The following PCED1B variants were observed in gnomAD, a reference collection of about 807,000 sequenced individuals.
PCED1B encodes the protein PC-esterase domain containing 1B.
For missense variants in PCED1B, 573 were observed against 573.9 expected (o/e 1.00, Z 0.02); for synonymous variants, 251 against 246.1 (o/e 1.02, Z -0.19).
chr12:47,156,657 C>G (rs771386718), intron 2 of PCED1B, among the ~76,000 whole-genome samples: 21 of 152,112 alleles, frequency 1.4e-4, no homozygotes, highest in Non-Finnish European at 3.1e-4. Flanking sequence ...ATACCACCTC[C>G]TCCAGGAAGC....
At chr12:47,214,368 A>C (rs775650848) in intron 2 of PCED1B, among the ~76,000 whole-genome samples, 2 of 152,234 alleles carry the variant, frequency 1.3e-5, no homozygotes, top group Non-Finnish European at 2.9e-5. Flanking sequence ...TCTTCAGAGC[A>C]TGTAATTCAG....
intron 2 of PCED1B, among the ~76,000 whole-genome samples, chr12:47,190,505 G>A (rs1942409457): frequency 6.6e-6 from 1 of 152,310 alleles, no homozygotes; most frequent in East Asian, 1.9e-4. Flanking sequence ...AGAAACACAG[G>A]GTTCTTTATG....
chr12:47,180,019 T>C (rs1442886467), intron 2 of PCED1B, among the ~76,000 whole-genome samples: 1 of 152,140 alleles, frequency 6.6e-6, no homozygotes, highest in Non-Finnish European at 1.5e-5. Flanking sequence ...ACCATGGTGG[T>C]TTGCTACACA....
At chr12:47,226,072 T>C (rs1943623048) in intron 3 of PCED1B, among the ~76,000 whole-genome samples, 1 of 152,230 alleles carries the variant, frequency 6.6e-6, no homozygotes, top group South Asian at 2.1e-4. Flanking sequence ...AAGTAATTTA[T>C]TGTGGCAGTA....
At chr12:47,183,130 G>C in intron 2 of PCED1B, among the ~76,000 whole-genome samples, 1 of 152,138 alleles carries the variant, frequency 6.6e-6, no homozygotes, top group South Asian at 2.1e-4. Flanking sequence ...TATCTTGGGA[G>C]TGTTAGCTAC....
At chr12:47,191,657 A>AG (rs1405802356) in intron 2 of PCED1B, among the ~76,000 whole-genome samples, 2 of 152,226 alleles carry the variant, frequency 1.3e-5, no homozygotes, top group African/African-American at 4.8e-5. Context: ...AGAGGTTTTC[A>AG]GCCCAGGTTG....
intron 2 of PCED1B, among the ~76,000 whole-genome samples, chr12:47,194,149 C>T (rs1424821527): frequency 2.6e-5 from 4 of 152,192 alleles, no homozygotes; most frequent in African/African-American, 9.7e-5. Context: ...ACATCTGTCT[C>T]CCCACTGCCT....
At chr12:47,200,405 C>T (rs1256988711) in intron 2 of PCED1B, among the ~76,000 whole-genome samples, 1 of 152,122 alleles carries the variant, frequency 6.6e-6, no homozygotes, top group African/African-American at 2.4e-5. Context: ...TATTACACCC[C>T]TATTAGAGTG....
At chr12:47,087,950 G>C (rs757464175) in intron 1 of PCED1B, among the ~76,000 whole-genome samples, 4 of 152,132 alleles carry the variant, frequency 2.6e-5, no homozygotes, top group African/African-American at 7.2e-5. Flanking sequence ...ATGCCAAATA[G>C]AGTATTGAAT....
intron 2 of PCED1B, among the ~76,000 whole-genome samples, chr12:47,106,913 C>T (rs924982268): frequency 2.0e-4 from 30 of 152,208 alleles, no homozygotes; most frequent in African/African-American, 7.0e-4. Flanking sequence ...CTTTGTGGCA[C>T]CTTTTCCCCA....
At chr12:47,233,878 G>A (rs2137911626) in intron 3 of PCED1B, among the ~76,000 whole-genome samples, 1 of 152,296 alleles carries the variant, frequency 6.6e-6, no homozygotes, top group South Asian at 2.1e-4. Flanking sequence ...CAGCTGAAAT[G>A]TATTCAAATT....
intron 2 of PCED1B, among the ~76,000 whole-genome samples, chr12:47,166,969 C>T (rs1041212954): frequency 2.0e-5 from 3 of 152,008 alleles, no homozygotes; most frequent in East Asian, 1.9e-4. Flanking sequence ...AAGGCTTTTA[C>T]GGTATTCCAT....
chr12:47,226,617 C>T (rs1040363773), intron 3 of PCED1B, among the ~76,000 whole-genome samples: 19 of 152,254 alleles, frequency 1.2e-4, no homozygotes, highest in African/African-American at 2.9e-4. Flanking sequence ...TCAAGTTATC[C>T]GCCCGCCTTG....
chr12:47,208,058 G>A (rs1942963785), intron 2 of PCED1B, among the ~76,000 whole-genome samples: 1 of 151,744 alleles, frequency 6.6e-6, no homozygotes, highest in South Asian at 2.1e-4. Context: ...TTCCTGAGCA[G>A]TGTAAACAAT....
chr12:47,108,307 T>G (rs916166850), intron 2 of PCED1B, among the ~76,000 whole-genome samples: 1 of 152,174 alleles, frequency 6.6e-6, no homozygotes, highest in African/African-American at 2.4e-5. Context: ...AAGCTGCCCA[T>G]GCTCACCACA....
At chr12:47,131,401 G>A (rs1525446) in intron 2 of PCED1B, among the ~76,000 whole-genome samples, 6,833 of 152,174 alleles carry the variant, frequency 0.045, 330 homozygotes, top group African/African-American at 0.12. Flanking sequence ...TATTCAATTC[G>A]TTCTATTTTC....
chr12:47,221,858 T>G (rs1448804716), intron 3 of PCED1B, among the ~76,000 whole-genome samples: 6 of 152,030 alleles, frequency 3.9e-5, no homozygotes, highest in African/African-American at 1.4e-4. Flanking sequence ...TCCCAGCACT[T>G]TGGGAGGCCA....
At chr12:47,146,632 G>T (rs1940794650) in intron 2 of PCED1B, among the ~76,000 whole-genome samples, 1 of 152,158 alleles carries the variant, frequency 6.6e-6, no homozygotes, top group African/African-American at 2.4e-5. Flanking sequence ...TGGCTCAGAT[G>T]ATTATTAGCA....
chr12:47,207,631 C>T (rs140660592), intron 2 of PCED1B, among the ~76,000 whole-genome samples: 104 of 152,188 alleles, frequency 6.8e-4, no homozygotes, highest in African/African-American at 2.4e-3. Flanking sequence ...ATGGACCAAG[C>T]GATGGAAGGA....
Sources: allele counts gnomAD v4.1 joint callset (sites outside exome capture counted in the v4.1 genomes callset), GRCh38; gene constraint gnomAD v4.1.1; transcripts MANE v1.5; gene names NCBI Gene and HGNC (gene_info 2026-07-23, HGNC 2026-07-21).